The following SRFBP1 variants were observed in gnomAD, a reference collection of about 807,000 sequenced individuals.
SRFBP1 encodes the protein serum response factor-binding protein 1.
A neutral mutation model predicts 45.5 loss-of-function variants in SRFBP1; 47 were observed. The observed-to-expected ratio is 1.03, with a 90% CI of 0.82 to 1.32. The LOEUF (loss-of-function observed/expected upper bound fraction) is 1.32. Among genes scored for constraint, SRFBP1 ranks in the 40% most tolerant of loss-of-function variants. The pLI, the probability that SRFBP1 is intolerant of heterozygous loss-of-function variation, is 0.00. For missense variants in SRFBP1, 621 were observed against 484.6 expected (o/e 1.28, Z -2.64); for synonymous variants, 203 against 166.3 (o/e 1.22, Z -1.70).
At chr5:122,061,134 CT>C (rs1754162882) in intron 2 of SRFBP1, among the ~76,000 whole-genome samples, 1 of 151,910 alleles carries the variant, frequency 6.6e-6, no homozygotes, top group South Asian at 2.1e-4. Context: ...GTAGTATTGG[CT>C]CCAAATTGTC....
chr5:122,041,421 T>G (rs1275264881), intron 2 of SRFBP1, among the ~76,000 whole-genome samples: 2 of 152,156 alleles, frequency 1.3e-5, no homozygotes, highest in African/African-American at 4.8e-5. Context: ...ACCATATCTA[T>G]TTTGGGCTCT....
At chr5:121,973,758 T>G (rs1162053256) in intron 1 of SRFBP1, among the ~76,000 whole-genome samples, 1 of 151,866 alleles carries the variant, frequency 6.6e-6, no homozygotes, top group Non-Finnish European at 1.5e-5. Context: ...TAAAATAAAT[T>G]GCTAATTAAA....
chr5:122,012,691 A>C (rs985196634), intron 4 of SRFBP1, among the ~76,000 whole-genome samples: 1 of 152,152 alleles, frequency 6.6e-6, no homozygotes, highest in Non-Finnish European at 1.5e-5. Context: ...TCTCTCCTAC[A>C]ATACATTCTG....
chr5:121,982,134 A>T (rs531105758), intron 3 of SRFBP1, among the ~76,000 whole-genome samples: 5 of 151,976 alleles, frequency 3.3e-5, no homozygotes, highest in South Asian at 2.1e-4. Context: ...CATTTTATAC[A>T]GTCACCTTAG....
chr5:121,975,583 G>T (rs1243525386), intron 3 of SRFBP1, among the ~76,000 whole-genome samples, 196 bp downstream of exon 3: 2 of 151,992 alleles, frequency 1.3e-5, no homozygotes, highest in African/African-American at 2.4e-5. Flanking sequence ...GTTTTTGACT[G>T]AATTTGTTAA....
intron 3 of SRFBP1, among the ~76,000 whole-genome samples, chr5:121,979,523 T>C (rs1439639355): frequency 4.6e-5 from 7 of 152,242 alleles, no homozygotes; most frequent in Admixed American, 4.6e-4. Flanking sequence ...AAAGTAATTG[T>C]ATTAAAAGTA....
chr5:122,062,726 C>A (rs1488874235), intron 2 of SRFBP1, among the ~76,000 whole-genome samples: 1 of 151,956 alleles, frequency 6.6e-6, no homozygotes, highest in Non-Finnish European at 1.5e-5. Flanking sequence ...AGTTGTTCCC[C>A]CAAAACACTT....
chr5:121,969,546 A>T (rs1752146236), intron 1 of SRFBP1, among the ~76,000 whole-genome samples: 1 of 151,670 alleles, frequency 6.6e-6, no homozygotes, highest in Admixed American at 6.6e-5. Context: ...CTTCCACTTT[A>T]TTTATAGTAT....
At chr5:121,984,733 C>T (rs1277290994) in intron 3 of SRFBP1, among the ~76,000 whole-genome samples, 2 of 151,716 alleles carry the variant, frequency 1.3e-5, no homozygotes, top group Admixed American at 1.3e-4. Flanking sequence ...ATGACCATTG[C>T]CTTCAACACG....
chr5:122,004,576 A>G (rs984107200), intron 4 of SRFBP1, among the ~76,000 whole-genome samples: 10 of 152,078 alleles, frequency 6.6e-5, no homozygotes, highest in African/African-American at 2.2e-4. Context: ...TAGTCTAGCT[A>G]TATAGGTTTA....
downstream of SRFBP1, among the ~76,000 whole-genome samples, chr5:122,032,268 T>C (rs908132915): frequency 1.3e-5 from 2 of 151,726 alleles, no homozygotes; most frequent in African/African-American, 4.8e-5. Context: ...CTTGGTAGTT[T>C]TTTTTTTTTC....
rs1753513107 is a variant in SRFBP1 at position 122,027,670 on chromosome 5, C to T, written c.*544C>T. 1 of 151,910 alleles carries T rather than the reference C, an allele frequency of 6.6e-6. No homozygotes were observed. Among genetic ancestry groups the T allele is most frequent in the Non-Finnish European group, 1.5e-5 (1 of 67,968 alleles). The allele number at this position is 151,910 out of a possible 1,614,324, so 9.4% of individuals were successfully genotyped here. On this transcript the variant is annotated 3_prime_UTR_variant, in exon 8 of 8. Transcript: ENST00000339397. Reference sequence around the variant, plus strand: ...AACATAGGAAATCAGCTATTTAAACCAGATCACCCTTGTTAAAAATCATTC... The same window carrying T: ...AACATAGGAAATCAGCTATTTAAACTAGATCACCCTTGTTAAAAATCATTC...
chr5:122,077,848 G>A (rs200888318), downstream of SRFBP1: 36 of 1,547,800 alleles, frequency 2.3e-5, no homozygotes, highest in Non-Finnish European at 2.9e-5. This position sits in a 1 kb window ranked among gnomAD's most constrained non-coding sequence, Gnocchi z 4.9. Context: ...TCTCCCATTG[G>A]ATCTGCTGGC....
At chr5:122,040,695 G>A (rs571817093) in intron 2 of SRFBP1, among the ~76,000 whole-genome samples, 1 of 152,188 alleles carries the variant, frequency 6.6e-6, no homozygotes, top group South Asian at 2.1e-4. Context: ...ATAAAGGAGA[G>A]GTTGTCAGGC....
intron 2 of SRFBP1, chr5:122,066,696 C>T (rs771432707): frequency 1.3e-6 from 2 of 1,549,556 alleles, no homozygotes; most frequent in South Asian, 1.1e-5. Flanking sequence ...TTTCCCACTT[C>T]AGAACACCAG....
intron 2 of SRFBP1, among the ~76,000 whole-genome samples, chr5:121,975,050 T>C (rs1752273452): frequency 6.6e-6 from 1 of 151,946 alleles, no homozygotes; most frequent in Non-Finnish European, 1.5e-5. Flanking sequence ...ATTAAGGAAC[T>C]AGAGAAGGCA....
At chr5:122,046,292 C>T (rs1011072515) in intron 2 of SRFBP1, among the ~76,000 whole-genome samples, 7 of 151,874 alleles carry the variant, frequency 4.6e-5, no homozygotes, top group East Asian at 3.9e-4. Flanking sequence ...TGAGAACAGG[C>T]GGTGTTTGGT....
At chr5:121,969,475 G>C (rs1752145175) in intron 1 of SRFBP1, among the ~76,000 whole-genome samples, 1 of 151,858 alleles carries the variant, frequency 6.6e-6, no homozygotes, top group Non-Finnish European at 1.5e-5. Context: ...TTCCTTTCCT[G>C]TGTTTATGTT....
chr5:122,020,012 T>C (rs919497446), intron 5 of SRFBP1, 76 bp from the exon 6 acceptor site: 4 of 985,440 alleles, frequency 4.1e-6, no homozygotes, highest in Non-Finnish European at 5.8e-6. Context: ...AAATAATTTT[T>C]TAAAATACTG....
Sources: gnomAD v4.1 joint callset for allele counts (sites outside exome capture counted in the v4.1 genomes callset) on GRCh38, gnomAD v4.1.1 for gene constraint, Gnocchi (gnomAD v3.1) non-coding constraint, MANE v1.5 for transcripts, NCBI Gene and HGNC (gene_info 2026-07-23, HGNC 2026-07-21) for gene names.